The following ZNF624 variants were observed in gnomAD, a reference collection of about 807,000 sequenced individuals.
ZNF624 encodes the protein zinc finger protein 624.
Under a neutral mutation model 74.7 loss-of-function variants are expected in ZNF624, and 43 were observed. The observed-to-expected ratio is 0.58, with a 90% CI of 0.45 to 0.74. The LOEUF is 0.74. ZNF624 is among the 30% of genes least tolerant of loss of function. The pLI, the probability that ZNF624 is intolerant of heterozygous loss-of-function variation, is 0.00. For missense variants in ZNF624, 820 were observed against 1,030.0 expected (o/e 0.80, Z 2.79); for synonymous variants, 331 against 341.3 (o/e 0.97, Z 0.33).
At chr17:16,637,416 C>G (rs1349226248) in intron 3 of ZNF624, among the ~76,000 whole-genome samples, 1 of 152,178 alleles carries the variant, frequency 6.6e-6, no homozygotes, top group East Asian at 1.9e-4. Flanking sequence ...TAAGTCAATC[C>G]TAAGCCAAAA....
At position 16,622,444 on chromosome 17, in the gene ZNF624, T is replaced by C; in HGVS notation, c.2442A>G (p.Gly814=). 1 of 1,614,054 alleles carries C rather than the reference T, an allele frequency of 6.2e-7. No homozygotes were observed. Among genetic ancestry groups the C allele is most frequent in the East Asian group, 2.2e-5 (1 of 44,872 alleles). Residue 814 remains glycine, a synonymous_variant, in exon 6 of 6, where the codon GGA becomes GGG. Transcript: ENST00000311331. ...GERPYKCEEC[G]KAFRTNSDFT... ...AGTCTGAGTTAGTTCTGAAGGCTTT[T>C]CCACATTCTTCACATTTATAGGGCC...
At chr17:16,634,089 A>T in intron 4 of ZNF624, 132 bp from the exon 5 acceptor site, 1 of 565,530 alleles carries the variant, frequency 1.8e-6, no homozygotes, top group South Asian at 3.2e-5. Context: ...TGTCTGATAC[A>T]GTTGCCAATT....
intron 1 of ZNF624, among the ~76,000 whole-genome samples, chr17:16,650,437 T>TAATAATAATA (rs1444345079): frequency 6.6e-6 from 1 of 150,850 alleles, no homozygotes; most frequent in African/African-American, 2.4e-5. Context: ...ATAATAATAA[T>TAATAATAATA]AGAAGAGACA....
chr17:16,646,597 A>G (rs899571520), intron 3 of ZNF624, among the ~76,000 whole-genome samples: 26 of 152,264 alleles, frequency 1.7e-4, no homozygotes, highest in African/African-American at 6.0e-4. Context: ...GAATGCTGGA[A>G]TAAGACTGCA....
chr17:16,628,681 G>A (rs1232423238), intron 5 of ZNF624, among the ~76,000 whole-genome samples: 1 of 152,042 alleles, frequency 6.6e-6, no homozygotes, highest in South Asian at 2.1e-4. Flanking sequence ...TATCACAGAT[G>A]TAACCAGAGT....
At chr17:16,618,768 T>C (rs555089653), downstream of ZNF624, among the ~76,000 whole-genome samples, 1 of 139,382 alleles carries the variant, frequency 7.2e-6, no homozygotes, top group South Asian at 2.4e-4. Flanking sequence ...GAATAGTAAA[T>C]ATATTTTCTC....
chr17:16,627,917 T>C (rs1362142448), intron 5 of ZNF624, among the ~76,000 whole-genome samples: 1 of 152,108 alleles, frequency 6.6e-6, no homozygotes, highest in African/African-American at 2.4e-5. Context: ...AATATTACTA[T>C]AGATTTTCAT....
chr17:16,616,272 T>C (rs527548234), downstream of ZNF624, among the ~76,000 whole-genome samples: 18 of 152,216 alleles, frequency 1.2e-4, no homozygotes, highest in East Asian at 3.5e-3. Context: ...GAGGCTTGCC[T>C]TGTTTACACT....
chr17:16,637,060 A>G (rs1273520317), intron 3 of ZNF624, among the ~76,000 whole-genome samples: 2 of 152,312 alleles, frequency 1.3e-5, no homozygotes, highest in East Asian at 1.9e-4. Flanking sequence ...AATCACTAGC[A>G]TTCTTATACA....
chr17:16,648,952 C>T (rs1597499994), intron 2 of ZNF624, among the ~76,000 whole-genome samples: 1 of 152,188 alleles, frequency 6.6e-6, no homozygotes, highest in African/African-American at 2.4e-5. Flanking sequence ...CAATTAAAAT[C>T]TCACTTGTAA....
At chr17:16,625,263 C>T (rs1909043112) in intron 5 of ZNF624, among the ~76,000 whole-genome samples, 1 of 152,116 alleles carries the variant, frequency 6.6e-6, no homozygotes, top group Admixed American at 6.5e-5. Flanking sequence ...CTCACTGCAA[C>T]CTCCACCTCC....
At chr17:16,648,100 TA>T (rs1039697369) in intron 2 of ZNF624, among the ~76,000 whole-genome samples, 2 of 151,950 alleles carry the variant, frequency 1.3e-5, no homozygotes, top group African/African-American at 2.4e-5. Context: ...CATGTCCGGC[TA>T]ATTTTTTGTA....
chr17:16,627,072 AAAG>A (rs916003607), intron 5 of ZNF624, among the ~76,000 whole-genome samples: 6 of 152,168 alleles, frequency 3.9e-5, no homozygotes, highest in Non-Finnish European at 7.3e-5. Flanking sequence ...AATAAATAAA[AAAG>A]AAGAAGAAAA....
intron 1 of ZNF624, among the ~76,000 whole-genome samples, chr17:16,652,524 T>C (rs981739289): frequency 6.6e-6 from 1 of 152,196 alleles, no homozygotes; most frequent in Non-Finnish European, 1.5e-5. Flanking sequence ...TAGATTATGC[T>C]CGTAACATAT....
chr17:16,629,882 T>C (rs1017943426), intron 5 of ZNF624, among the ~76,000 whole-genome samples: 17 of 152,106 alleles, frequency 1.1e-4, no homozygotes, highest in Non-Finnish European at 2.2e-4. Context: ...TTTAAAATGG[T>C]TGAAAAATAT....
At chr17:16,618,548 G>A (rs1412716239), downstream of ZNF624, among the ~76,000 whole-genome samples, 1 of 151,942 alleles carries the variant, frequency 6.6e-6, no homozygotes, top group African/African-American at 2.4e-5. Flanking sequence ...ACCTAAAATA[G>A]TGACAATTTT....
chr17:16,614,791 T>C, the ZNF624 span, among the ~76,000 whole-genome samples: 1 of 152,186 alleles, frequency 6.6e-6, no homozygotes, highest in African/African-American at 2.4e-5. Context: ...TAAAATCCTA[T>C]ACAAAATTTT....
At chr17:16,643,228 T>C (rs1312005131) in intron 3 of ZNF624, among the ~76,000 whole-genome samples, 2 of 152,196 alleles carry the variant, frequency 1.3e-5, no homozygotes, top group Non-Finnish European at 2.9e-5. Flanking sequence ...TATACACAAA[T>C]GTATTAGCAT....
chr17:16,622,715 A>T lies in ZNF624; in HGVS notation c.2171T>A (p.Phe724Tyr). ...TGCTTTCCCACAGTCATTACATTTA[A>T]ATGGTTTCTCTCCAGTATGTGTTCT... is the stretch of plus-strand genomic sequence containing the variant. Reference protein sequence around the residue: ...HQRTHTGEKPFKCNDCGKAFS... With the variant: ...HQRTHTGEKPYKCNDCGKAFS... The change falls in exon 6 of 6, where the codon TTT (phenylalanine) becomes TAT (tyrosine). Residue 724 changes from phenylalanine to tyrosine, a missense_variant. Coordinates refer to ENST00000311331, the MANE Select transcript of ZNF624 (RefSeq NM_020787.4). 6.2e-7 allele frequency: 1 copy of T among 1,613,546 alleles called. No individual in the cohort carries two copies. Among genetic ancestry groups the T allele is most frequent in the Non-Finnish European group, 8.5e-7 (1 of 1,179,878 alleles).
Sources: allele counts gnomAD v4.1 joint callset (sites outside exome capture counted in the v4.1 genomes callset), GRCh38; gene constraint gnomAD v4.1.1; transcripts MANE v1.5; gene names NCBI Gene and HGNC (gene_info 2026-07-23, HGNC 2026-07-21).